BRI3: variants seen among roughly 807,000 people sequenced by gnomAD.
The protein encoded by BRI3 is membrane protein BRI3.
In BRI3, 6 loss-of-function variants were observed where a neutral mutation model predicts 12.8. The observed-to-expected ratio is 0.47, with a 90% CI of 0.26 to 0.93. The LOEUF (loss-of-function observed/expected upper bound fraction) is 0.93, where lower values mean the gene tolerates loss of function less well. Ranked by LOEUF, BRI3 falls within the 40% of genes least tolerant of loss-of-function variation. BRI3 has a pLI of 0.15. For synonymous variants in BRI3, 91 were observed against 76.1 expected (o/e 1.20, Z -1.02); for missense variants, 134 against 171.1 (o/e 0.78, Z 1.21).
chr7:98,292,426 G>T, downstream of BRI3: 1 of 566,990 alleles, frequency 1.8e-6, no homozygotes. Flanking sequence ...CCCCTGCCTC[G>T]GCCTCACAAA....
downstream of BRI3, among the ~76,000 whole-genome samples, chr7:98,312,695 G>A (rs930950968): frequency 4.6e-5 from 7 of 152,178 alleles, no homozygotes; most frequent in East Asian, 3.9e-4. Context: ...GACTCTGACC[G>A]ATTCAGACAT....
chr7:98,288,003 T>C (rs1281583956), intron 2 of BRI3, among the ~76,000 whole-genome samples: 4 of 152,122 alleles, frequency 2.6e-5, no homozygotes, highest in Admixed American at 6.6e-5. Context: ...TGGTCACTGA[T>C]TGGGCTGGCT....
At chr7:98,318,445 C>T in the BRI3 span, among the ~76,000 whole-genome samples, 1 of 151,976 alleles carries the variant, frequency 6.6e-6, no homozygotes, top group East Asian at 2.0e-4. Flanking sequence ...CACACAACCA[C>T]GCCCGGCTGT....
intron 2 of BRI3, among the ~76,000 whole-genome samples, chr7:98,289,963 G>C (rs1283885902): frequency 6.6e-6 from 1 of 152,210 alleles, no homozygotes; most frequent in Non-Finnish European, 1.5e-5. Context: ...CTTTGTTGAA[G>C]AGGCGGCTTT....
At chr7:98,315,743 G>T in the BRI3 span, 2 of 387,894 alleles carry the variant, frequency 5.2e-6, no homozygotes, top group African/African-American at 4.1e-5. Flanking sequence ...AAATACATGA[G>T]AGGAAAGAAT....
At chr7:98,287,846 G>T (rs62479853) in intron 2 of BRI3, among the ~76,000 whole-genome samples, 58,153 of 152,070 alleles carry the variant, frequency 0.38, 12,706 homozygotes, top group Middle Eastern at 0.54. Flanking sequence ...TCTCTGCTGC[G>T]CCCCATGGGC....
At chr7:98,293,681 C>T, downstream of BRI3, 3 of 1,354,590 alleles carry the variant, frequency 2.2e-6, no homozygotes, top group Non-Finnish European at 3.2e-6. Flanking sequence ...CGTTCTTGCC[C>T]TGTGAGACTG....
upstream of BRI3, chr7:98,304,260 G>A (rs752145265): frequency 8.1e-6 from 13 of 1,613,700 alleles, no homozygotes; most frequent in South Asian, 1.4e-4. Flanking sequence ...GGCCGAATCT[G>A]CTCTCCTGTC....
upstream of BRI3, chr7:98,304,528 T>A: frequency 1.3e-6 from 1 of 782,824 alleles, no homozygotes; most frequent in Non-Finnish European, 2.0e-6. Flanking sequence ...ACACAGTACA[T>A]ATATCAATAC....
At chr7:98,293,720 A>G, downstream of BRI3, 1 of 868,732 alleles carries the variant, frequency 1.2e-6, no homozygotes, top group South Asian at 1.4e-5. Flanking sequence ...CAGCTTGTAC[A>G]GGTCCCAGCA....
chr7:98,294,197 T>C (rs1362790417), downstream of BRI3: 7 of 1,449,094 alleles, frequency 4.8e-6, no homozygotes, highest in Non-Finnish European at 6.7e-6. Flanking sequence ...TTTGCTATGT[T>C]GCCCAGGCTG....
rs2116822388 is a variant in BRI3 at position 98,301,122 on chromosome 7, C to T, written c.72-5361C>T. Among the ~76,000 whole-genome samples, 3 of 152,314 alleles carry T rather than the reference C, an allele frequency of 2.0e-5. 1 individual carries two copies. The Middle Eastern group carries it at 0.01, about 518-fold the overall frequency. ...TCTCATCTCTGTCCACAAAACCCCT[C>T]CCCCACAGCCATACCCTCACTGCCA... is the stretch of plus-strand genomic sequence containing the variant. On this transcript the variant is annotated intron_variant and NMD_transcript_variant, in intron 1 of 2. Coordinates refer to the BRI3 transcript ENST00000491463.
chr7:98,306,522 G>C, exon 1 of BRI3: 1 of 1,614,052 alleles, frequency 6.2e-7, no homozygotes, highest in East Asian at 2.2e-5. Context: ...CCCTCCTACC[G>C]GCAAAGAGGG....
At chr7:98,290,497 C>T (rs1799889169) in intron 2 of BRI3, among the ~76,000 whole-genome samples, 1 of 147,380 alleles carries the variant, frequency 6.8e-6, no homozygotes, top group Admixed American at 6.8e-5. Context: ...GCCCGGCCAT[C>T]TCTCAAGGTT....
At chr7:98,288,902 T>C (rs1053753826) in intron 2 of BRI3, among the ~76,000 whole-genome samples, 1 of 152,002 alleles carries the variant, frequency 6.6e-6, no homozygotes, top group Non-Finnish European at 1.5e-5. Flanking sequence ...CCACTGGAGA[T>C]TGCTGAAGGG....
exon 2 of BRI3, chr7:98,309,522 G>A (rs148900650): frequency 1.3e-5 from 2 of 152,210 alleles, no homozygotes; most frequent in African/African-American, 2.4e-5. Flanking sequence ...GGGATGCACA[G>A]AGTATTACAT....
At chr7:98,312,694 C>G (rs897987932), downstream of BRI3, among the ~76,000 whole-genome samples, 1 of 152,142 alleles carries the variant, frequency 6.6e-6, no homozygotes, top group Non-Finnish European at 1.5e-5. Flanking sequence ...TGACTCTGAC[C>G]GATTCAGACA....
At chr7:98,300,987 G>A (rs1800397194) in intron 1 of BRI3, among the ~76,000 whole-genome samples, 1 of 152,076 alleles carries the variant, frequency 6.6e-6, no homozygotes, top group African/African-American at 2.4e-5. Flanking sequence ...CCCATGCATC[G>A]AGCGCTCCCT....
downstream of BRI3, among the ~76,000 whole-genome samples, chr7:98,313,202 C>T (rs1439650023): frequency 6.6e-6 from 1 of 151,738 alleles, no homozygotes; most frequent in African/African-American, 2.4e-5. Context: ...CTGCTTGGGC[C>T]TGCTTCATCC....
Sources: gnomAD v4.1 joint callset for allele counts (sites outside exome capture counted in the v4.1 genomes callset) on GRCh38, gnomAD v4.1.1 for gene constraint, MANE v1.5 for transcripts, NCBI Gene and HGNC (gene_info 2026-07-23, HGNC 2026-07-21) for gene names.